LAIR1: variants seen among roughly 807,000 people sequenced by gnomAD.
LAIR1 encodes the protein leukocyte-associated immunoglobulin-like receptor 1.
A neutral mutation model predicts 32.8 loss-of-function variants in LAIR1; 24 were observed. The ratio of observed to expected loss-of-function variants is 0.73; its 90% CI spans 0.53 to 1.03. LAIR1 has a LOEUF of 1.03. LAIR1 is among the 50% of genes least tolerant of loss of function. The pLI is 0.00. For missense variants in LAIR1, 355 were observed against 347.5 expected (o/e 1.02, Z -0.17); for synonymous variants, 150 against 140.5 (o/e 1.07, Z -0.48).
At chr19:54,360,790 G>C (rs1269843132) in intron 3 of LAIR1, 126 bp downstream of exon 3, 1 of 675,430 alleles carries the variant, frequency 1.5e-6, no homozygotes, top group Non-Finnish European at 2.3e-6. Context: ...GGGGAGGGGA[G>C]GGCTTGGGGT....
chr19:54,375,157 C>A (rs1433159669), upstream of LAIR1, among the ~76,000 whole-genome samples: 1 of 152,240 alleles, frequency 6.6e-6, no homozygotes, highest in Non-Finnish European at 1.5e-5. Flanking sequence ...TGCCGTCCCG[C>A]CGTCATCTCT....
rs749608668 is a variant in LAIR1 at position 54,355,285 on chromosome 19, CTGCATACGTGA to C, written c.836_846del (p.Ile279SerfsTer16). 6.2e-5 allele frequency: 100 copies of C among 1,609,616 alleles called. No homozygotes were observed. In the South Asian group the frequency reaches 1.1e-3, roughly 17 times the overall value. Reference sequence around the variant, plus strand: ...GTATGGGGTCAGTGTCTGGCAACGGCTGCATACGTGATGGACTCGGCCATGGGCTTTGTGGA... The same window carrying C: ...GTATGGGGTCAGTGTCTGGCAACGGCTGGACTCGGCCATGGGCTTTGTGGA... On this transcript the variant is annotated frameshift_variant, in exon 10 of 10. Transcript: ENST00000391742. LOFTEE classifies it high-confidence loss of function. The surrounding 1 kb of genome is among the most constrained non-coding windows in gnomAD (Gnocchi z 4.7).
upstream of LAIR1, among the ~76,000 whole-genome samples, chr19:54,373,326 C>T (rs999769210): frequency 2.6e-4 from 39 of 151,738 alleles, no homozygotes; most frequent in South Asian, 4.2e-4. Context: ...CACCTGTAGT[C>T]CCAGCTACTT....
At chr19:54,359,409 G>A (rs1423100450) in intron 4 of LAIR1, among the ~76,000 whole-genome samples, 1 of 151,900 alleles carries the variant, frequency 6.6e-6, no homozygotes, top group Non-Finnish European at 1.5e-5. Context: ...CTTCATCCTG[G>A]TCACCGTTCA....
At chr19:54,363,409 C>G (rs1418867644) in intron 2 of LAIR1, among the ~76,000 whole-genome samples, 1 of 151,942 alleles carries the variant, frequency 6.6e-6, no homozygotes, top group Non-Finnish European at 1.5e-5. Flanking sequence ...GTGGGCTCGT[C>G]TGGGGAAAAG....
Position 54,360,982 on chromosome 19 carries a change from G to A in LAIR1, c.298C>T (p.Arg100Cys), listed in dbSNP as rs1157356116. 12 of 1,614,094 alleles carry A rather than the reference G, an allele frequency of 7.4e-6. No individual in the cohort carries two copies. Among genetic ancestry groups the A allele is most frequent in the African/African-American group, 4.0e-5 (3 of 74,932 alleles). Residue 100 changes from arginine (R) to cysteine (C), a missense_variant, in exon 3 of 10, where the codon CGC becomes TGC. Physicochemically the swap from Arg to Cys is radical, Grantham distance 180. Transcript: ENST00000391742. ...SVREGNAGLYRCIYYKPPKWS... is the reference protein window; with the variant it reads ...SVREGNAGLYCCIYYKPPKWS... Reference sequence around the variant, plus strand: ...TTAGGGGGCTTATAATAGATGCAGCGATAAAGCCCGGCATTTCCTTCTCTT... The same window carrying A: ...TTAGGGGGCTTATAATAGATGCAGCAATAAAGCCCGGCATTTCCTTCTCTT...
chr19:54,366,677 T>A (rs7251687), upstream of LAIR1, among the ~76,000 whole-genome samples: 17,900 of 151,726 alleles, frequency 0.12, 2,246 homozygotes, highest in African/African-American at 0.3. Context: ...TTTAGCAGAG[T>A]CGGGGTTTCA....
chr19:54,360,799 G>A, intron 3 of LAIR1, 117 bp downstream of exon 3: 1 of 983,366 alleles, frequency 1.0e-6, no homozygotes, highest in Non-Finnish European at 1.5e-6. Flanking sequence ...AGGGCTTGGG[G>A]TCAGGAGGAG....
At position 54,355,248 on chromosome 19, in the gene LAIR1, G is replaced by A. The variant is rs772755587; in HGVS notation, c.*20C>T. 3 of 1,563,426 alleles carry A rather than the reference G, an allele frequency of 1.9e-6. No homozygotes were observed. Among genetic ancestry groups the A allele is most frequent in the East Asian group, 4.7e-5 (2 of 42,150 alleles). ...GAGTGACTTTCTACCCTCAGGTGCA[G>A]AGGCCAGGTGGGTATGGGGTCAGTG... On this transcript the variant is annotated 3_prime_UTR_variant, in exon 10 of 10. Coordinates refer to ENST00000391742, the MANE Select transcript of LAIR1 (RefSeq NM_002287.6). This position sits in a 1 kb window ranked among gnomAD's most constrained non-coding sequence, Gnocchi z 4.7.
upstream of LAIR1, among the ~76,000 whole-genome samples, chr19:54,371,052 T>A (rs2082393442): frequency 6.6e-6 from 1 of 151,134 alleles, no homozygotes; most frequent in Non-Finnish European, 1.5e-5. Flanking sequence ...AAAGAAATTT[T>A]TTTAACAGAA....
At chr19:54,370,300 G>A in exon 1 of LAIR1, 1 of 1,542,448 alleles carries the variant, frequency 6.5e-7, no homozygotes, top group Non-Finnish European at 8.7e-7. Flanking sequence ...ATGCAACCCT[G>A]GAAGGAAGAC....
rs1294038193 is a variant in LAIR1, at chr19:54,354,698, T to C, written c.*570A>G. 6.6e-6 allele frequency: 1 copy of C among 152,216 alleles called. No homozygotes were observed. The highest frequency in any genetic ancestry group is 1.5e-5 in the Non-Finnish European group (1 of 68,068). The allele number at this position is 152,216 out of a possible 1,614,324, so 9.4% of individuals were successfully genotyped here. ...GATGTGAGGCCTTCAAAATTATTTA[T>C]TGATGCGTGGAGTAAAGCACAACCC... On this transcript the variant is annotated 3_prime_UTR_variant, in exon 10 of 10. Transcript: ENST00000391742.
At chr19:54,365,918 A>G (rs549390483), upstream of LAIR1, among the ~76,000 whole-genome samples, 51 of 152,358 alleles carry the variant, frequency 3.3e-4, 1 homozygote, top group African/African-American at 1.1e-3. Flanking sequence ...AATGTGGTGC[A>G]CACACAGGGG....
chr19:54,365,173 A>C, upstream of LAIR1: 1 of 634,522 alleles, frequency 1.6e-6, no homozygotes, highest in African/African-American at 1.9e-5. Context: ...TAACGGTCGC[A>C]GCTCTTGGGC....
chr19:54,375,948 C>A, the LAIR1 span, among the ~76,000 whole-genome samples: 4,249 of 151,794 alleles, frequency 0.028, 329 homozygotes, highest in African/African-American at 0.098. Flanking sequence ...CTGGGTGACA[C>A]GTCCATATGG....
intron 4 of LAIR1, chr19:54,358,745 C>G: frequency 1.7e-6 from 1 of 575,432 alleles, no homozygotes; most frequent in Non-Finnish European, 2.9e-6. Context: ...AACGATTCTA[C>G]CAGGACAGCT....
rs1339637314 is a variant in LAIR1, at chr19:54,361,265, C to T, written c.71-56G>A. On this transcript the variant is annotated intron_variant, in intron 2 of 9. Transcript: ENST00000391742. Reference sequence around the variant, plus strand: ...TCCACTGTAGGAAGTCACCATGCCACACACGTCATTTTAGCATCACAATTC... The same window carrying T: ...TCCACTGTAGGAAGTCACCATGCCATACACGTCATTTTAGCATCACAATTC... 3.8e-6 allele frequency: 6 copies of T among 1,565,794 alleles called. No individual in the cohort carries two copies. In the African/African-American group the frequency reaches 8.1e-5, roughly 21 times the overall value.
chr19:54,374,107 G>A (rs1285715528), upstream of LAIR1, among the ~76,000 whole-genome samples: 1 of 151,196 alleles, frequency 6.6e-6, no homozygotes, highest in Admixed American at 6.6e-5. Flanking sequence ...TTTTTTTCTG[G>A]TGAGCAGCCA....
rs200218727 is a variant in LAIR1, at chr19:54,355,339, G to C, written c.793C>G (p.Arg265Gly). 9.3e-6 allele frequency: 15 copies of C among 1,613,202 alleles called. No homozygotes were observed. In the East Asian group the frequency reaches 2.2e-4, roughly 24 times the overall value. ...TTTGTGGACTGTGGGGACACAGCCCGGGCTGTCCTCTGTGTGAGGGCCCAG... is the reference window on the plus strand; with the variant it reads ...TTTGTGGACTGTGGGGACACAGCCCCGGCTGTCCTCTGTGTGAGGGCCCAG... ...DHWALTQRTARAVSPQSTKPM... is the reference protein window; with the variant it reads ...DHWALTQRTAGAVSPQSTKPM... The change falls in exon 10 of 10, where the codon CGG (arginine) becomes GGG (glycine). Residue 265 changes from arginine (R) to glycine (G), a missense_variant. Arg to Gly is a moderately radical substitution (Grantham distance 125, BLOSUM62 -2). Coordinates refer to ENST00000391742, the MANE Select transcript of LAIR1 (RefSeq NM_002287.6). The surrounding 1 kb of genome is among the most constrained non-coding windows in gnomAD (Gnocchi z 4.7).
Sources: allele counts gnomAD v4.1 joint callset (sites outside exome capture counted in the v4.1 genomes callset), GRCh38; gene constraint gnomAD v4.1.1; non-coding constraint Gnocchi (gnomAD v3.1); transcripts MANE v1.5; gene names NCBI Gene and HGNC (gene_info 2026-07-23, HGNC 2026-07-21).